Variants in STK36 observed in about 807,000 individuals in gnomAD.
STK36 encodes serine/threonine-protein kinase 36.
A neutral mutation model predicts 142.2 loss-of-function variants in STK36; 116 were observed. The ratio of observed to expected loss-of-function variants is 0.82; its 90% CI spans 0.70 to 0.95. The LOEUF is 0.95. Ranked by LOEUF, STK36 falls within the 40% of genes least tolerant of loss-of-function variation. STK36 has a pLI of 0.00. For synonymous variants in STK36, 619 were observed against 641.7 expected, an observed-to-expected ratio of 0.96 and a Z score of 0.53; for missense variants, 1,422 against 1,617.2, an observed-to-expected ratio of 0.88 and a Z score of 2.07.
At position 218,672,792 on chromosome 2, in the gene STK36, C is replaced by G; in HGVS notation, c.-38C>G. 6.2e-7 allele frequency: 1 copy of G among 1,604,770 alleles called. No homozygotes were observed. The highest frequency in any genetic ancestry group is 8.5e-7 in the Non-Finnish European group (1 of 1,171,696). On this transcript the variant is annotated 5_prime_UTR_variant, in exon 2 of 27. Transcript: ENST00000295709. ...CTGGATCTATAGCTCTTCACCGTCT[C>G]TACTTTCTTCCTTCTAAGAGATCCT...
At chr2:218,687,573 C>A (rs1295056919) in intron 11 of STK36, among the ~76,000 whole-genome samples, 20 of 152,154 alleles carry the variant, frequency 1.3e-4, no homozygotes, top group Admixed American at 1.3e-3. Flanking sequence ...CGTTTTCCTC[C>A]TAGTGTTGGA....
intron 7 of STK36, 95 bp downstream of exon 7, chr2:218,679,356 C>A: frequency 2.2e-6 from 3 of 1,357,864 alleles, no homozygotes; most frequent in South Asian, 1.3e-5. Context: ...TATAACATGT[C>A]GTCTTTCCTC....
At chr2:218,682,150 C>T (rs1247355631) in intron 10 of STK36, among the ~76,000 whole-genome samples, 4 of 152,204 alleles carry the variant, frequency 2.6e-5, no homozygotes, top group Admixed American at 6.5e-5. Flanking sequence ...TGGTCTCAAA[C>T]TCCTGACCTT....
At chr2:218,695,769 C>G (rs13004222) in intron 21 of STK36, among the ~76,000 whole-genome samples, 9,968 of 145,216 alleles carry the variant, frequency 0.069, 404 homozygotes, top group Middle Eastern at 0.11. Flanking sequence ...AACTCCTGAC[C>G]TCAAGTGATC....
At chr2:218,698,567 C>A (rs898470599) in intron 25 of STK36, 35 bp from the exon 26 acceptor site, 3 of 1,597,682 alleles carry the variant, frequency 1.9e-6, no homozygotes, top group African/African-American at 1.3e-5. Context: ...TATACTCTCT[C>A]TCTCCCTGAA....
intron 5 of STK36, 108 bp downstream of exon 5, chr2:218,675,581 A>G (rs1217091621): frequency 2.2e-6 from 3 of 1,335,678 alleles, no homozygotes; most frequent in South Asian, 1.4e-5. Context: ...CTGAAGTGCA[A>G]TGGTGCGATC....
chr2:218,697,017 C>T (rs1203195408), intron 22 of STK36, 22 bp from the exon 23 acceptor site: 1 of 1,612,474 alleles, frequency 6.2e-7, no homozygotes, highest in Non-Finnish European at 8.5e-7. Context: ...TTCCCCCCGC[C>T]CTCTTTCACT....
At chr2:218,683,805 A>G (rs532523080) in intron 10 of STK36, among the ~76,000 whole-genome samples, 35 of 151,976 alleles carry the variant, frequency 2.3e-4, no homozygotes, top group African/African-American at 7.7e-4. Flanking sequence ...TCATTGTTCA[A>G]TTCCCACCTA....
At chr2:218,697,016 C>A in intron 22 of STK36, 23 bp from the exon 23 acceptor site, 3 of 1,612,362 alleles carry the variant, frequency 1.9e-6, no homozygotes, top group Non-Finnish European at 2.5e-6. Flanking sequence ...TTTCCCCCCG[C>A]CCTCTTTCAC....
intron 13 of STK36, 87 bp from the exon 14 acceptor site, chr2:218,690,363 C>A: frequency 9.4e-7 from 1 of 1,066,740 alleles, no homozygotes; most frequent in Non-Finnish European, 1.5e-6. Flanking sequence ...TGCAGAGATT[C>A]TCCTACCTGC....
chr2:218,674,711 C>T (rs1484604207), intron 4 of STK36, among the ~76,000 whole-genome samples: 4 of 152,198 alleles, frequency 2.6e-5, no homozygotes, highest in African/African-American at 7.2e-5. Context: ...AAGCAATTCT[C>T]GTGCCTCAGC....
chr2:218,694,685 T>A lies in STK36; in HGVS notation c.2511+50T>A. On this transcript the variant is annotated intron_variant, in intron 21 of 26. Transcript: ENST00000295709. The surrounding 1 kb of genome is among the most constrained non-coding windows in gnomAD (Gnocchi z 4.4). ...GACATGTTTTCTCTGAGTCAGACACTAGGACTGCATTCAAGGGGAAAAGAC... is the reference window on the plus strand; with the variant it reads ...GACATGTTTTCTCTGAGTCAGACACAAGGACTGCATTCAAGGGGAAAAGAC... 2 of 1,476,224 alleles carry A rather than the reference T, an allele frequency of 1.4e-6. No homozygotes were observed. The highest frequency in any genetic ancestry group is 1.9e-6 in the Non-Finnish European group (2 of 1,056,740). The allele number at this position is 1,476,224 out of a possible 1,614,324, so 91.4% of individuals were successfully genotyped here. A position where few individuals can be genotyped will look rare whatever the true frequency, so the allele number is the denominator to read the frequency against.
At chr2:218,701,420 T>C (rs1025404981) in intron 26 of STK36, among the ~76,000 whole-genome samples, 1 of 151,996 alleles carries the variant, frequency 6.6e-6, no homozygotes, top group Non-Finnish European at 1.5e-5. Context: ...ATTACAGGCA[T>C]GAGCCACCTT....
chr2:218,701,977 A>G lies in STK36; in HGVS notation c.3916A>G (p.Ile1306Val). Residue 1306 changes from isoleucine to valine, a missense_variant, in exon 27 of 27, where the codon ATT (isoleucine) becomes GTT (valine). Physicochemically the swap from Ile to Val is conservative, Grantham distance 29. Coordinates refer to ENST00000295709, the MANE Select transcript of STK36 (RefSeq NM_015690.5). ...PASAKHCRKL[I>V]HLLRPAHSM ...CTCTGCCAAACACTGCAGGAAACTC[A>G]TTCACCTCCTGAGGCCAGCCCATAG... is the stretch of plus-strand genomic sequence containing the variant. 1 of 1,614,016 alleles carries G rather than the reference A, an allele frequency of 6.2e-7. No homozygotes were observed. Among genetic ancestry groups the G allele is most frequent in the South Asian group, 1.1e-5 (1 of 91,080 alleles).
In STK36 at chr2:218,672,112, T is replaced by C. The variant is rs1940005584; in HGVS notation, c.-193T>C. The C allele has an allele frequency of 1.0e-6, 1 of 970,824 alleles. No homozygotes were observed. Among genetic ancestry groups the C allele is most frequent in the Non-Finnish European group, 1.6e-6 (1 of 632,030 alleles). The allele number at this position is 970,824 out of a possible 1,614,324, so 60.1% of individuals were successfully genotyped here. ...GCCGGGCCTGATGGCCCTGAGGCAGTTCGGATGTGTCCCAGGAAGTGCCCA... is the reference window on the plus strand; with the variant it reads ...GCCGGGCCTGATGGCCCTGAGGCAGCTCGGATGTGTCCCAGGAAGTGCCCA... On this transcript the variant is annotated 5_prime_UTR_variant, in exon 1 of 27. Coordinates refer to ENST00000295709, the MANE Select transcript of STK36 (RefSeq NM_015690.5).
Position 218,675,892 on chromosome 2 carries a change from G to C in STK36, c.435-137G>C. On this transcript the variant is annotated intron_variant, in intron 5 of 26. Coordinates refer to ENST00000295709, the MANE Select transcript of STK36 (RefSeq NM_015690.5). ...ATTTTAGAACCGGAGCTAGAGGCTG[G>C]GACTGCTGCTGGGTCTTCTGGAACC... 3.7e-6 allele frequency: 4 copies of C among 1,092,674 alleles called. No homozygotes were observed. In the South Asian group the frequency reaches 6.0e-5, roughly 16 times the overall value. 67.7% of individuals were successfully genotyped at this position (1,092,674 alleles called of 1,614,324 possible).
chr2:218,694,755 A>G lies in STK36; in HGVS notation c.2511+120A>G. On this transcript the variant is annotated intron_variant, in intron 21 of 26. Coordinates refer to ENST00000295709, the MANE Select transcript of STK36 (RefSeq NM_015690.5). This position sits in a 1 kb window ranked among gnomAD's most constrained non-coding sequence, Gnocchi z 4.4. ...GAGTAAACTGAGGAATGGAAAAGGAATCAAGGAGCCCTTCCTTTTCTAGAT... is the reference window on the plus strand; with the variant it reads ...GAGTAAACTGAGGAATGGAAAAGGAGTCAAGGAGCCCTTCCTTTTCTAGAT... 1 of 813,926 alleles carries G rather than the reference A, an allele frequency of 1.2e-6. No homozygotes were observed. Among genetic ancestry groups the G allele is most frequent in the Admixed American group, 2.5e-5 (1 of 39,860 alleles). 50.4% of individuals were successfully genotyped at this position (813,926 alleles called of 1,614,324 possible). A position where few individuals can be genotyped will look rare whatever the true frequency, so the allele number is the denominator to read the frequency against.
rs1033594616 is a variant in STK36, at chr2:218,672,093, C to T, written c.-212C>T. 1.7e-6 allele frequency: 2 copies of T among 1,197,798 alleles called. No homozygotes were observed. Among genetic ancestry groups the T allele is most frequent in the African/African-American group, 3.0e-5 (2 of 66,360 alleles). 74.2% of individuals were successfully genotyped at this position (1,197,798 alleles called of 1,614,324 possible). A position where few individuals can be genotyped will look rare whatever the true frequency, so the allele number is the denominator to read the frequency against. ...CGCAGACTCCGGGTCCTTAGCCGGG[C>T]CTGATGGCCCTGAGGCAGTTCGGAT... On this transcript the variant is annotated 5_prime_UTR_variant, in exon 1 of 27. Transcript: ENST00000295709.
intron 17 of STK36, 142 bp downstream of exon 17, chr2:218,693,486 C>A: frequency 1.1e-6 from 1 of 873,202 alleles, no homozygotes; most frequent in Admixed American, 2.8e-5. Flanking sequence ...TGGAAGACTC[C>A]TTTCTGCTTT....
Sources: gnomAD v4.1 joint callset for allele counts (sites outside exome capture counted in the v4.1 genomes callset) on GRCh38, gnomAD v4.1.1 for gene constraint, Gnocchi (gnomAD v3.1) non-coding constraint, MANE v1.5 for transcripts, NCBI Gene and HGNC (gene_info 2026-07-23, HGNC 2026-07-21) for gene names.